TTLL11: variants seen among roughly 807,000 people sequenced by gnomAD.
The protein encoded by TTLL11 is tubulin polyglutamylase TTLL11.
Under a neutral mutation model 51.7 loss-of-function variants are expected in TTLL11, and 42 were observed. The observed-to-expected ratio is 0.81, with a 90% CI of 0.64 to 1.05. TTLL11 has a LOEUF of 1.05. TTLL11 is among the 50% of genes least tolerant of loss of function. TTLL11 has a pLI of 0.00. For synonymous variants in TTLL11, 381 were observed against 383.5 expected (o/e 0.99, Z 0.08); for missense variants, 799 against 940.4 (o/e 0.85, Z 1.97).
At chr9:122,007,062 T>G (rs1433495031) in intron 3 of TTLL11, among the ~76,000 whole-genome samples, 1 of 152,032 alleles carries the variant, frequency 6.6e-6, no homozygotes, top group African/African-American at 2.4e-5. Flanking sequence ...TTGTTTTTAT[T>G]TTAACTACAT....
At chr9:121,960,402 A>C (rs921605608) in intron 6 of TTLL11, among the ~76,000 whole-genome samples, 1 of 152,176 alleles carries the variant, frequency 6.6e-6, no homozygotes, top group African/African-American at 2.4e-5. Flanking sequence ...TACAGCTATG[A>C]ATGTTCTGGA....
intron 4 of TTLL11, among the ~76,000 whole-genome samples, chr9:121,981,709 C>G (rs558693909): frequency 6.6e-6 from 1 of 152,172 alleles, no homozygotes; most frequent in South Asian, 2.1e-4. Flanking sequence ...ATTTGCAAAT[C>G]AGCCTGATGC....
intron 4 of TTLL11, among the ~76,000 whole-genome samples, chr9:121,981,057 A>T (rs1383035610): frequency 1.3e-5 from 2 of 151,698 alleles, no homozygotes; most frequent in Non-Finnish European, 2.9e-5. Flanking sequence ...TTTTACTTGG[A>T]ATGTCTTGAG....
In TTLL11 at chr9:121,995,811, TA is replaced by T. The variant is rs1180755605; in HGVS notation, c.694-6042del. On this transcript the variant is annotated intron_variant, in intron 3 of 8. Transcript: ENST00000321582. This position sits in a 1 kb window ranked among gnomAD's most constrained non-coding sequence, Gnocchi z 4.4. ...ACAACTCTCCCAAGCTTGGAAAGAA[TA>T]AGAGCTGCTGTCCGACAGGGATGAG... Among the ~76,000 whole-genome samples, 7 of 152,178 alleles carry T rather than the reference TA, an allele frequency of 4.6e-5. No individual in the cohort carries two copies. The highest frequency in any genetic ancestry group is 1.0e-4 in the Non-Finnish European group (7 of 68,044).
At chr9:121,876,230 G>A (rs1838558536) in intron 6 of TTLL11, among the ~76,000 whole-genome samples, 1 of 152,176 alleles carries the variant, frequency 6.6e-6, no homozygotes, top group African/African-American at 2.4e-5. Flanking sequence ...TCAAATCAGA[G>A]ACTTTTCTTC....
rs185377182 is a variant in TTLL11, at chr9:122,033,451, T to C, written c.560-1595A>G. 7.9e-5 allele frequency among the ~76,000 whole-genome samples: 12 copies of C among 152,238 alleles called. 1 individual carries two copies. The highest frequency in any genetic ancestry group is 2.9e-4 in the African/African-American group (12 of 41,544). On this transcript the variant is annotated intron_variant, in intron 2 of 8. Transcript: ENST00000321582. ...TTAAGACAAATATCATTGCCAAAAA[T>C]GGTGGCTACAAATGGCCTTTACCCT...
At chr9:121,895,464 T>C (rs1474405518) in intron 6 of TTLL11, among the ~76,000 whole-genome samples, 1 of 151,364 alleles carries the variant, frequency 6.6e-6, no homozygotes, top group Non-Finnish European at 1.5e-5. Flanking sequence ...GTTGTGTAAA[T>C]GTGTGGTTGT....
chr9:121,894,116 T>C (rs982759536), intron 6 of TTLL11, among the ~76,000 whole-genome samples: 1 of 152,130 alleles, frequency 6.6e-6, no homozygotes, highest in African/African-American at 2.4e-5. Flanking sequence ...CTCTCCTATA[T>C]GCCAAGCACT....
At chr9:122,073,221 G>A (rs1845773530) in intron 1 of TTLL11, among the ~76,000 whole-genome samples, 1 of 151,972 alleles carries the variant, frequency 6.6e-6, no homozygotes, top group Admixed American at 6.6e-5. Context: ...ACCACCCTGG[G>A]CAACATAGTG....
intron 6 of TTLL11, among the ~76,000 whole-genome samples, chr9:121,943,229 G>C (rs1841554034): frequency 6.6e-6 from 1 of 152,166 alleles, no homozygotes; most frequent in African/African-American, 2.4e-5. Context: ...AAAGGTTTCT[G>C]GACATGAGCC....
At chr9:122,059,439 G>T (rs889004837) in intron 1 of TTLL11, among the ~76,000 whole-genome samples, 1 of 152,080 alleles carries the variant, frequency 6.6e-6, no homozygotes, top group African/African-American at 2.4e-5. Flanking sequence ...GCACAGGGAC[G>T]TCAAGTAACG....
In TTLL11 at chr9:121,858,714, C is replaced by T. The variant is rs147061532; in HGVS notation, c.1840+1623G>A. Among the ~76,000 whole-genome samples the T allele has an allele frequency of 3.7e-3, 565 of 152,302 alleles. 3 individuals carry two copies. Among genetic ancestry groups the T allele is most frequent in the African/African-American group, 0.013 (541 of 41,546 alleles). ...TGTCCACTAATAAGATAAACTGCCT[C>T]GCACCATCAGCGAGGACTCCAAAGA... On this transcript the variant is annotated intron_variant, in intron 8 of 8. Transcript: ENST00000321582.
intron 2 of TTLL11, among the ~76,000 whole-genome samples, chr9:122,034,228 A>C (rs966745454): frequency 1.3e-5 from 2 of 152,230 alleles, no homozygotes; most frequent in African/African-American, 4.8e-5. Context: ...CACAACACAG[A>C]GAGCTGTGGG....
chr9:121,974,956 T>C lies in TTLL11; in HGVS notation c.1293A>G (p.Leu431=), dbSNP rs963966585. The C allele has an allele frequency of 5.9e-6, 9 of 1,536,840 alleles. 1 individual carries two copies. In the East Asian group the frequency reaches 2.2e-4, roughly 38 times the overall value. ...GTAGTATAGGCTTCAGATTTTTCAT[T>C]AGAAGAATGTCAAAGCCTAAAATCT... ...CFQILGFDIL[L]MKNLKPILLE... The change falls in exon 5 of 9, where the codon CTA becomes CTG. Residue 431 remains leucine (L), a synonymous_variant. Coordinates refer to ENST00000321582, the MANE Select transcript of TTLL11 (RefSeq NM_001139442.2).
At chr9:121,988,955 T>C (rs1843011886) in intron 4 of TTLL11, 3 of 837,398 alleles carry the variant, frequency 3.6e-6, no homozygotes, top group East Asian at 2.7e-5. Context: ...CCTTTTAAGA[T>C]AGGTATTCTT....
chr9:121,851,514 T>C (rs1837662903), intron 8 of TTLL11, among the ~76,000 whole-genome samples: 1 of 152,200 alleles, frequency 6.6e-6, no homozygotes, highest in Non-Finnish European at 1.5e-5. Flanking sequence ...AAAAAGGCTT[T>C]TACAGCACCT....
At chr9:121,826,549 ATGTG>A (rs1297234932) in intron 8 of TTLL11, among the ~76,000 whole-genome samples, 1,981 of 30,082 alleles carry the variant, frequency 0.066, 206 homozygotes, top group African/African-American at 0.2. Context: ...ATATATATAT[ATGTG>A]TGTGTATATA....
At chr9:121,967,227 T>G (rs1842423822) in intron 6 of TTLL11, among the ~76,000 whole-genome samples, 1 of 134,464 alleles carries the variant, frequency 7.4e-6, no homozygotes, top group Non-Finnish European at 1.6e-5. Flanking sequence ...TTTTTTTTTT[T>G]TTTTTTTTTT....
chr9:122,015,368 T>C (rs921334924), intron 3 of TTLL11, among the ~76,000 whole-genome samples: 1 of 152,012 alleles, frequency 6.6e-6, no homozygotes, highest in Non-Finnish European at 1.5e-5. Flanking sequence ...ACAAAGGAAA[T>C]AACACTGGAA....
Sources: gnomAD v4.1 joint callset for allele counts (sites outside exome capture counted in the v4.1 genomes callset) on GRCh38, gnomAD v4.1.1 for gene constraint, Gnocchi (gnomAD v3.1) non-coding constraint, MANE v1.5 for transcripts, NCBI Gene and HGNC (gene_info 2026-07-23, HGNC 2026-07-21) for gene names.